Variants in GRIN2B observed in about 807,000 individuals in gnomAD.
GRIN2B encodes the protein glutamate ionotropic receptor NMDA type subunit 2B.
GRIN2B carries 5 observed loss-of-function variants against 114.5 expected under a neutral mutation model. That is an observed-to-expected ratio of 0.04 (90% CI 0.02 to 0.09). The LOEUF is 0.09. Among genes scored for constraint, GRIN2B ranks in the 10% least tolerant of loss-of-function variants. The probability of loss-of-function intolerance (pLI) is 1.00; values close to 1 mark genes in which losing one functional copy is unlikely to be tolerated. For synonymous variants in GRIN2B, 787 were observed against 745.1 expected, an observed-to-expected ratio of 1.06 and a Z score of -0.92; for missense variants, 1,108 against 1,943.5, an observed-to-expected ratio of 0.57 and a Z score of 8.08.
rs1196400539 is a variant in GRIN2B, at chr12:13,545,865, C to T, written c.*16918G>A. 1 of 152,162 alleles carries T rather than the reference C, an allele frequency of 6.6e-6. No homozygotes were observed. The highest frequency in any genetic ancestry group is 1.9e-4 in the East Asian group (1 of 5,198). 9.4% of individuals were successfully genotyped at this position (152,162 alleles called of 1,614,324 possible). ...TTTGCTTAGAACATATGATCTACTA[C>T]CCGCCAGTAATATTTTATAGCTTAG... On this transcript the variant is annotated 3_prime_UTR_variant, in exon 14 of 14. Transcript: ENST00000609686.
At chr12:13,956,407 T>C (rs979954086) in intron 2 of GRIN2B, among the ~76,000 whole-genome samples, 5 of 152,116 alleles carry the variant, frequency 3.3e-5, no homozygotes, top group Non-Finnish European at 7.4e-5. Context: ...GCAATTTGAG[T>C]TATGTTCTTA....
At chr12:13,883,137 A>G (rs1866095456) in intron 2 of GRIN2B, among the ~76,000 whole-genome samples, 1 of 152,170 alleles carries the variant, frequency 6.6e-6, no homozygotes, top group Non-Finnish European at 1.5e-5. Context: ...ATTTATCACA[A>G]TATGTTTATT....
chr12:13,789,778 C>T (rs532697663), intron 3 of GRIN2B, among the ~76,000 whole-genome samples: 10 of 152,082 alleles, frequency 6.6e-5, no homozygotes, highest in African/African-American at 2.4e-4. Context: ...TGCAGAGTCC[C>T]CCATAACCAC....
At chr12:13,865,709 A>G (rs986491685) in intron 3 of GRIN2B, 89 bp downstream of exon 3, 6 of 1,091,030 alleles carry the variant, frequency 5.5e-6, no homozygotes, top group Non-Finnish European at 8.4e-6. Flanking sequence ...ACCTTCCATC[A>G]TTAACAATCA....
intron 3 of GRIN2B, among the ~76,000 whole-genome samples, chr12:13,791,267 T>C (rs992393541): frequency 9.2e-5 from 14 of 151,854 alleles, no homozygotes; most frequent in East Asian, 3.9e-4. Flanking sequence ...ATCGAGACCA[T>C]GGTGAAACCC....
chr12:13,668,610 GA>G (rs1248514771), intron 5 of GRIN2B, among the ~76,000 whole-genome samples: 3 of 151,982 alleles, frequency 2.0e-5, no homozygotes, highest in Non-Finnish European at 4.4e-5. Context: ...TCACAACTCA[GA>G]AAAACACAAC....
chr12:13,976,767 C>G (rs1187298279), intron 2 of GRIN2B, among the ~76,000 whole-genome samples: 2 of 151,444 alleles, frequency 1.3e-5, no homozygotes. Flanking sequence ...GATTCTTAAA[C>G]AAGAATATAG....
chr12:13,721,994 T>C (rs1218923274), intron 4 of GRIN2B, among the ~76,000 whole-genome samples: 1 of 152,120 alleles, frequency 6.6e-6, no homozygotes, highest in Middle Eastern at 3.2e-3. Context: ...TGTCATTTCA[T>C]CGAATGCTGC....
chr12:13,653,465 G>A (rs1949837040), intron 5 of GRIN2B, among the ~76,000 whole-genome samples: 1 of 149,952 alleles, frequency 6.7e-6, no homozygotes, highest in Non-Finnish European at 1.5e-5. Flanking sequence ...AAGATGAGAA[G>A]ATCAAAAACG....
At chr12:13,770,313 T>G (rs575497211) in intron 3 of GRIN2B, among the ~76,000 whole-genome samples, 1 of 152,206 alleles carries the variant, frequency 6.6e-6, no homozygotes, top group Non-Finnish European at 1.5e-5. Flanking sequence ...GTGTCCATGA[T>G]CACTTCAAAA....
chr12:13,644,436 A>G (rs1949745203), intron 5 of GRIN2B, among the ~76,000 whole-genome samples: 1 of 152,166 alleles, frequency 6.6e-6, no homozygotes, highest in Non-Finnish European at 1.5e-5. Flanking sequence ...TTCCATTGAT[A>G]GAGCATGGAT....
intron 5 of GRIN2B, among the ~76,000 whole-genome samples, chr12:13,635,841 T>C (rs1949661695): frequency 6.6e-6 from 1 of 152,170 alleles, no homozygotes; most frequent in South Asian, 2.1e-4. Context: ...TGTATTCACA[T>C]GTGTAATTAG....
intron 2 of GRIN2B, among the ~76,000 whole-genome samples, chr12:13,954,097 A>G (rs1159433700): frequency 3.3e-5 from 5 of 152,182 alleles, no homozygotes; most frequent in African/African-American, 7.2e-5. Context: ...TGCTTAGCCC[A>G]TCGGCCTTAG....
intron 2 of GRIN2B, among the ~76,000 whole-genome samples, chr12:13,890,835 A>T (rs1261275677): frequency 3.3e-5 from 5 of 152,130 alleles, no homozygotes; most frequent in African/African-American, 1.2e-4. Flanking sequence ...GAGTCCTTTG[A>T]GCACCATGCA....
intron 3 of GRIN2B, among the ~76,000 whole-genome samples, chr12:13,844,565 C>G (rs923626131): frequency 1.3e-5 from 2 of 152,210 alleles, no homozygotes; most frequent in Non-Finnish European, 2.9e-5. Flanking sequence ...TCAATCATAG[C>G]CATTCAGCAC....
In GRIN2B at chr12:13,743,574, A is replaced by G. The variant is rs1195407134; in HGVS notation, c.1010+9743T>C. ...CTCTATTGTGCTGTTTTGCCTAAAC[A>G]AAAGTGCCTGAAAGATTTTTTTTCA... is the stretch of plus-strand genomic sequence containing the variant. On this transcript the variant is annotated intron_variant, in intron 4 of 13. Transcript: ENST00000609686. 5.3e-5 allele frequency among the ~76,000 whole-genome samples: 8 copies of G among 152,256 alleles called. No homozygotes were observed. The East Asian group carries it at 1.2e-3, about 22-fold the overall frequency.
chr12:13,634,000 G>A lies in GRIN2B; in HGVS notation c.1126-17343C>T, dbSNP rs557582575. Among the ~76,000 whole-genome samples the A allele has an allele frequency of 1.4e-4, 21 of 152,234 alleles. No homozygotes were observed. The East Asian group carries it at 1.9e-3, about 14-fold the overall frequency. On this transcript the variant is annotated intron_variant, in intron 5 of 13. Transcript: ENST00000609686. Reference sequence around the variant, plus strand: ...TAATAAAAAATGTGTGTCACACTTCGTTGACCATGCCAGTCCTGAGCTGCT... The same window carrying A: ...TAATAAAAAATGTGTGTCACACTTCATTGACCATGCCAGTCCTGAGCTGCT...
chr12:13,597,078 G>A (rs1214960022), intron 10 of GRIN2B, among the ~76,000 whole-genome samples: 1 of 152,196 alleles, frequency 6.6e-6, no homozygotes, highest in Non-Finnish European at 1.5e-5. Context: ...TTCTAGTTGT[G>A]TGACTTAGGT....
chr12:13,611,905 G>T (rs117617299), intron 8 of GRIN2B, 55 bp from the exon 9 acceptor site: 1 of 1,577,552 alleles, frequency 6.3e-7, no homozygotes, highest in Non-Finnish European at 8.7e-7. Flanking sequence ...AAAAGAATTC[G>T]AATTAATTCA....
Sources: gnomAD v4.1 joint callset for allele counts (sites outside exome capture counted in the v4.1 genomes callset) on GRCh38, gnomAD v4.1.1 for gene constraint, MANE v1.5 for transcripts, NCBI Gene and HGNC (gene_info 2026-07-23, HGNC 2026-07-21) for gene names.